The following SEZ6L variants were observed in gnomAD, a reference collection of about 807,000 sequenced individuals.
The protein encoded by SEZ6L is seizure 6-like protein.
Under a neutral mutation model 106.2 loss-of-function variants are expected in SEZ6L, and 37 were observed. The observed-to-expected ratio is 0.35, with a 90% CI of 0.27 to 0.46. The LOEUF (loss-of-function observed/expected upper bound fraction) is 0.46, where lower values mean the gene tolerates loss of function less well. SEZ6L is among the 20% of genes least tolerant of loss of function. The pLI is 1.00. For missense variants in SEZ6L, 1,172 were observed against 1,332.8 expected (o/e 0.88, Z 1.88); for synonymous variants, 541 against 570.4 (o/e 0.95, Z 0.73).
chr22:26,339,519 C>T (rs1367521402), intron 9 of SEZ6L, among the ~76,000 whole-genome samples: 1 of 152,100 alleles, frequency 6.6e-6, no homozygotes, highest in African/African-American at 2.4e-5. Flanking sequence ...TATTTAGTGT[C>T]AAGGTACTTT....
chr22:26,233,495 T>C (rs2078864090), intron 1 of SEZ6L, among the ~76,000 whole-genome samples: 2 of 152,148 alleles, frequency 1.3e-5, no homozygotes, highest in Admixed American at 6.5e-5. Flanking sequence ...CCTGGCACCA[T>C]CATGAGGAAG....
Position 26,169,644 on chromosome 22 carries a change from G to C in SEZ6L, c.-26G>C. ...TCGCCGTCCGCCCGCCCCACAGCCA[G>C]CGGCTCCGCGCCCCCTGCAGCCACG... On this transcript the variant is annotated 5_prime_UTR_variant, in exon 1 of 17. Transcript: ENST00000248933. 1 of 999,308 alleles carries C rather than the reference G, an allele frequency of 1.0e-6. No homozygotes were observed. Among genetic ancestry groups the C allele is most frequent in the Non-Finnish European group, 1.3e-6 (1 of 740,930 alleles). 61.9% of individuals were successfully genotyped at this position (999,308 alleles called of 1,614,324 possible). A position where few individuals can be genotyped will look rare whatever the true frequency, so the allele number is the denominator to read the frequency against.
chr22:26,170,347 G>A (rs1938501312), intron 1 of SEZ6L, among the ~76,000 whole-genome samples: 1 of 152,114 alleles, frequency 6.6e-6, no homozygotes, highest in Non-Finnish European at 1.5e-5. Flanking sequence ...GCTAGAGGCC[G>A]GTGGAGGGGG....
intron 1 of SEZ6L, among the ~76,000 whole-genome samples, chr22:26,243,866 A>G (rs1430662947): frequency 6.6e-6 from 1 of 151,608 alleles, no homozygotes; most frequent in African/African-American, 2.4e-5. Context: ...ACAAGAGAAG[A>G]AAGATGAGCA....
chr22:26,293,394 G>A (rs777649762), intron 2 of SEZ6L, among the ~76,000 whole-genome samples: 1 of 152,230 alleles, frequency 6.6e-6, no homozygotes, highest in Non-Finnish European at 1.5e-5. Context: ...GCCATGGCAC[G>A]ATCATAGCTC....
chr22:26,204,318 G>A (rs1000163137), intron 1 of SEZ6L, among the ~76,000 whole-genome samples: 1 of 152,166 alleles, frequency 6.6e-6, no homozygotes, highest in Non-Finnish European at 1.5e-5. Flanking sequence ...ATTGTGATGG[G>A]TGCTTGAAAA....
intron 1 of SEZ6L, among the ~76,000 whole-genome samples, chr22:26,226,569 G>T (rs1260660047): frequency 2.0e-5 from 3 of 152,160 alleles, no homozygotes; most frequent in African/African-American, 7.2e-5. Flanking sequence ...TTTTTTGTGT[G>T]TATATGTATG....
chr22:26,234,706 C>A (rs986979298), intron 1 of SEZ6L, among the ~76,000 whole-genome samples: 16 of 152,254 alleles, frequency 1.1e-4, no homozygotes, highest in African/African-American at 3.6e-4. Context: ...TTTTCCCAAA[C>A]ATTTAGTAAA....
At chr22:26,239,326 C>T (rs1343750348) in intron 1 of SEZ6L, among the ~76,000 whole-genome samples, 1 of 152,168 alleles carries the variant, frequency 6.6e-6, no homozygotes, top group Non-Finnish European at 1.5e-5. Flanking sequence ...AGCATTTGCT[C>T]ATAGTAGATG....
intron 16 of SEZ6L, 112 bp downstream of exon 16, chr22:26,377,887 G>A: frequency 1.2e-6 from 1 of 811,636 alleles, no homozygotes; most frequent in South Asian, 1.5e-5. Context: ...ACAGCCAGTG[G>A]TCCTGTCTTA....
chr22:26,353,611 C>T (rs2083344728), intron 12 of SEZ6L, among the ~76,000 whole-genome samples: 1 of 152,188 alleles, frequency 6.6e-6, no homozygotes. Flanking sequence ...TGAATCTATC[C>T]CCAAAAGATA....
chr22:26,282,297 T>C (rs1226897526), intron 1 of SEZ6L, among the ~76,000 whole-genome samples: 1 of 152,236 alleles, frequency 6.6e-6, no homozygotes, highest in Admixed American at 6.5e-5. Flanking sequence ...TTCCAGATTT[T>C]TGCTACTATA....
Position 26,350,958 on chromosome 22 carries a change from G to A in SEZ6L, c.2408-94G>A, listed in dbSNP as rs551683157. On this transcript the variant is annotated intron_variant, in intron 11 of 16. Transcript: ENST00000248933. ...GGCGTGAGCCACCGCACCCGGCCAA[G>A]TTAGGAAACTTTCTAGATCATTCTG... The A allele has an allele frequency of 4.2e-4, 572 of 1,378,202 alleles. 2 individuals carry two copies. The African/African-American group carries it at 7.5e-3, about 18-fold the overall frequency. 85.4% of individuals were successfully genotyped at this position (1,378,202 alleles called of 1,614,324 possible).
intron 10 of SEZ6L, among the ~76,000 whole-genome samples, chr22:26,347,088 T>G (rs1330257786): frequency 6.6e-6 from 1 of 151,394 alleles, no homozygotes; most frequent in Non-Finnish European, 1.5e-5. Context: ...CCCAGCTACT[T>G]GAGAGGCTGA....
chr22:26,201,917 T>C (rs2145680536), intron 1 of SEZ6L, among the ~76,000 whole-genome samples: 2 of 152,226 alleles, frequency 1.3e-5, no homozygotes, highest in South Asian at 4.1e-4. Context: ...TTGTTGTTTG[T>C]TTGTTTGTTT....
intron 1 of SEZ6L, among the ~76,000 whole-genome samples, chr22:26,207,018 A>G (rs1941305489): frequency 1.3e-5 from 2 of 152,232 alleles, no homozygotes; most frequent in South Asian, 4.1e-4. Flanking sequence ...TTCTTAATGC[A>G]TCTAAAATTT....
intron 1 of SEZ6L, among the ~76,000 whole-genome samples, chr22:26,241,947 T>C (rs2079149967): frequency 6.6e-6 from 1 of 152,206 alleles, no homozygotes; most frequent in South Asian, 2.1e-4. Flanking sequence ...AGGGACTTGG[T>C]GCACATTGAG....
chr22:26,307,618 G>A (rs953483002), intron 6 of SEZ6L, among the ~76,000 whole-genome samples: 24 of 152,052 alleles, frequency 1.6e-4, no homozygotes, highest in Admixed American at 3.9e-4. Context: ...AGGGGCTCCC[G>A]AACGTGGCTT....
intron 10 of SEZ6L, 69 bp from the exon 11 acceptor site, chr22:26,347,650 C>A: frequency 7.5e-7 from 1 of 1,338,206 alleles, no homozygotes; most frequent in Middle Eastern, 1.8e-4. Flanking sequence ...ATCCCTCTAG[C>A]CGTCATAAAA....
Sources: allele counts gnomAD v4.1 joint callset (sites outside exome capture counted in the v4.1 genomes callset), GRCh38; gene constraint gnomAD v4.1.1; transcripts MANE v1.5; gene names NCBI Gene and HGNC (gene_info 2026-07-23, HGNC 2026-07-21).